WWC1: variants seen among roughly 807,000 people sequenced by gnomAD.
The protein encoded by WWC1 is WW and C2 domain containing 1, also known as protein KIBRA.
In WWC1, 55 loss-of-function variants were observed where a neutral mutation model predicts 138.4. The observed-to-expected ratio is 0.40, with a 90% CI of 0.32 to 0.50. WWC1 has a LOEUF of 0.50. WWC1 is among the 20% of genes least tolerant of loss of function. The pLI, the probability that WWC1 is intolerant of heterozygous loss-of-function variation, is 0.72. For missense variants in WWC1, 1,226 were observed against 1,420.4 expected, an observed-to-expected ratio of 0.86 and a Z score of 2.20; for synonymous variants, 524 against 564.9, an observed-to-expected ratio of 0.93 and a Z score of 1.03.
At position 168,431,132 on chromosome 5, in the gene WWC1, C is replaced by T. The variant is rs570728463; in HGVS notation, c.2088-120C>T. On this transcript the variant is annotated intron_variant, in intron 14 of 22. Coordinates refer to ENST00000265293, the MANE Select transcript of WWC1 (RefSeq NM_015238.3). ...TAGGGGCCTGATTCCCCAGATTCCT[C>T]ACTTCTACAAACTCTCATCCACTGT... is the stretch of plus-strand genomic sequence containing the variant. 3 of 883,192 alleles carry T rather than the reference C, an allele frequency of 3.4e-6. No individual in the cohort carries two copies. In the East Asian group the frequency reaches 7.6e-5, roughly 22 times the overall value. 54.7% of individuals were successfully genotyped at this position (883,192 alleles called of 1,614,324 possible).
intron 18 of WWC1, among the ~76,000 whole-genome samples, chr5:168,455,120 A>C (rs983548184): frequency 9.2e-5 from 14 of 152,138 alleles, no homozygotes; most frequent in Non-Finnish European, 1.9e-4. Context: ...ATGTGCTCCC[A>C]CCAGTCCCCA....
At chr5:168,413,235 A>G (rs1418058635) in intron 8 of WWC1, among the ~76,000 whole-genome samples, 1 of 152,184 alleles carries the variant, frequency 6.6e-6, no homozygotes, top group East Asian at 1.9e-4. Flanking sequence ...TCCTATCTTA[A>G]TCACCCTTTA....
chr5:168,401,351 G>C (rs1779296091), intron 5 of WWC1, among the ~76,000 whole-genome samples: 1 of 152,158 alleles, frequency 6.6e-6, no homozygotes. Context: ...TACATTCCCA[G>C]GGAGGCCACA....
chr5:168,328,921 T>A (rs148431877), intron 1 of WWC1, among the ~76,000 whole-genome samples: 1 of 152,300 alleles, frequency 6.6e-6, no homozygotes, highest in East Asian at 1.9e-4. Context: ...GCATCTGTTA[T>A]TCCCTCAGTC....
intron 1 of WWC1, among the ~76,000 whole-genome samples, chr5:168,294,547 CAT>C (rs35040926): frequency 0.15 from 23,409 of 152,132 alleles, 1,916 homozygotes; most frequent in Admixed American, 0.24. Context: ...GCGGCAGAAA[CAT>C]AGTGGCACTT....
chr5:168,376,032 A>G (rs548949111), intron 2 of WWC1, among the ~76,000 whole-genome samples: 51 of 151,528 alleles, frequency 3.4e-4, no homozygotes, highest in African/African-American at 1.2e-3. Flanking sequence ...TATCTAAGGG[A>G]TGCTATATAA....
At chr5:168,459,919 C>G (rs1473342618) in intron 19 of WWC1, among the ~76,000 whole-genome samples, 1 of 152,110 alleles carries the variant, frequency 6.6e-6, no homozygotes, top group Non-Finnish European at 1.5e-5. Context: ...CCCACTCTCC[C>G]TTGCGCTCCT....
intron 1 of WWC1, among the ~76,000 whole-genome samples, chr5:168,363,524 CAAAAAAAAAAAA>C (rs386405611): frequency 6.8e-4 from 45 of 65,784 alleles, no homozygotes; most frequent in Admixed American, 2.9e-3. Context: ...GACTCTGTCT[CAAAAAAAAAAAA>C]AAAAAAAAAA....
chr5:168,344,865 G>A (rs1450090918), intron 1 of WWC1, among the ~76,000 whole-genome samples: 2 of 152,138 alleles, frequency 1.3e-5, no homozygotes, highest in African/African-American at 2.4e-5. Flanking sequence ...AAATTTTAAA[G>A]TATATTTATA....
intron 2 of WWC1, among the ~76,000 whole-genome samples, chr5:168,375,254 G>A (rs1313220742): frequency 3.9e-5 from 6 of 152,110 alleles, no homozygotes; most frequent in Non-Finnish European, 8.8e-5. Context: ...AACAGAGGGT[G>A]GCAAGAAGAG....
intron 3 of WWC1, among the ~76,000 whole-genome samples, chr5:168,395,970 A>G (rs777266105): frequency 2.0e-5 from 3 of 152,232 alleles, no homozygotes; most frequent in African/African-American, 4.8e-5. Flanking sequence ...CATTCCCCTC[A>G]TGACTGTCAT....
At chr5:168,381,999 A>G (rs1283444540) in intron 2 of WWC1, among the ~76,000 whole-genome samples, 1 of 152,152 alleles carries the variant, frequency 6.6e-6, no homozygotes, top group Non-Finnish European at 1.5e-5. Context: ...TCTCTTTAAG[A>G]AACCTATCCC....
intron 19 of WWC1, among the ~76,000 whole-genome samples, chr5:168,459,396 T>C (rs754026858): frequency 1.3e-5 from 2 of 152,162 alleles, no homozygotes; most frequent in Non-Finnish European, 2.9e-5. Context: ...TGAGCCCTAC[T>C]TACAGGCTGG....
chr5:168,305,715 A>G (rs1770497460), intron 1 of WWC1, among the ~76,000 whole-genome samples: 1 of 152,162 alleles, frequency 6.6e-6, no homozygotes, highest in South Asian at 2.1e-4. Flanking sequence ...TGGGGGAACA[A>G]AAGGAACAGT....
intron 1 of WWC1, among the ~76,000 whole-genome samples, chr5:168,336,408 T>C (rs989463212): frequency 6.6e-6 from 1 of 151,936 alleles, no homozygotes; most frequent in Non-Finnish European, 1.5e-5. Context: ...CCGTCTCTAC[T>C]AAAAATACAA....
intron 3 of WWC1, among the ~76,000 whole-genome samples, chr5:168,392,835 T>A (rs778189109): frequency 7.9e-5 from 12 of 152,068 alleles, no homozygotes; most frequent in South Asian, 4.2e-4. Context: ...GAGGAAAGCC[T>A]CTAACAGAGA....
chr5:168,406,926 A>G (rs1371745549), intron 6 of WWC1, among the ~76,000 whole-genome samples: 1 of 152,118 alleles, frequency 6.6e-6, no homozygotes, highest in Admixed American at 6.5e-5. Flanking sequence ...TGGGCGAAAC[A>G]GTGAGACTCT....
Position 168,390,043 on chromosome 5 carries a change from C to T in WWC1, c.433+4629C>T, listed in dbSNP as rs146279778. Among the ~76,000 whole-genome samples the T allele has an allele frequency of 9.2e-5, 14 of 152,260 alleles. No individual in the cohort carries two copies. In the East Asian group the frequency reaches 2.5e-3, roughly 27 times the overall value. ...ATAGGAAATACATAATATTTTGAGA[C>T]TATAGACCCTGGAGCCAGACTTTTT... is the stretch of plus-strand genomic sequence containing the variant. On this transcript the variant is annotated intron_variant, in intron 3 of 22. Coordinates refer to ENST00000265293, the MANE Select transcript of WWC1 (RefSeq NM_015238.3).
rs534445099 is a variant in WWC1 at position 168,441,732 on chromosome 5, G to A, written c.2331G>A (p.Ser777=). The change falls in exon 16 of 23, where the codon TCG becomes TCA. Residue 777 remains serine (S), a synonymous_variant. Coordinates refer to ENST00000265293, the MANE Select transcript of WWC1 (RefSeq NM_015238.3). ...LAEVCRSGER[S]TRWYNLLSYK... ...AGGTCTGCCGGTCTGGGGAGAGGTCGACTCGCTGGTACAACCTTCTCAGCT... is the reference window on the plus strand; with the variant it reads ...AGGTCTGCCGGTCTGGGGAGAGGTCAACTCGCTGGTACAACCTTCTCAGCT... 73 of 1,614,044 alleles carry A rather than the reference G, an allele frequency of 4.5e-5. No individual in the cohort carries two copies. The highest frequency in any genetic ancestry group is 1.6e-4 in the Middle Eastern group (1 of 6,084).
Sources: allele counts gnomAD v4.1 joint callset (sites outside exome capture counted in the v4.1 genomes callset), GRCh38; gene constraint gnomAD v4.1.1; transcripts MANE v1.5; gene names NCBI Gene and HGNC (gene_info 2026-07-23, HGNC 2026-07-21).